Variants in TTC23 observed in about 807,000 individuals in gnomAD.
TTC23 encodes the protein tetratricopeptide repeat protein 23.
Under a neutral mutation model 55.1 loss-of-function variants are expected in TTC23, and 58 were observed. The ratio of observed to expected loss-of-function variants is 1.05; its 90% CI spans 0.85 to 1.31. TTC23 has a LOEUF of 1.31. TTC23 is among the 50% of genes most tolerant of loss of function. The probability of loss-of-function intolerance (pLI) is 0.00; values close to 1 mark genes in which losing one functional copy is unlikely to be tolerated. For missense variants in TTC23, 516 were observed against 534.4 expected, an observed-to-expected ratio of 0.97 and a Z score of 0.34; for synonymous variants, 203 against 199.9, an observed-to-expected ratio of 1.02 and a Z score of -0.13.
intron 8 of TTC23, among the ~76,000 whole-genome samples, chr15:99,211,447 G>C (rs776700794): frequency 1.3e-5 from 2 of 151,900 alleles, no homozygotes; most frequent in Non-Finnish European, 2.9e-5. Context: ...TGATTCATGA[G>C]AGCAAAGAAA....
intron 9 of TTC23, among the ~76,000 whole-genome samples, 194 bp downstream of exon 9, chr15:99,199,725 G>C (rs2076046120): frequency 6.6e-6 from 1 of 152,140 alleles, no homozygotes; most frequent in African/African-American, 2.4e-5. Flanking sequence ...ACTACTAACA[G>C]GGGACAAGTA....
chr15:99,233,919 T>G (rs559176939), intron 4 of TTC23, among the ~76,000 whole-genome samples: 1 of 152,044 alleles, frequency 6.6e-6, no homozygotes, highest in Non-Finnish European at 1.5e-5. Flanking sequence ...GCAAAACCAA[T>G]TCCTTGGAGA....
At chr15:99,166,764 G>A (rs557080383) in intron 10 of TTC23, among the ~76,000 whole-genome samples, 1 of 152,256 alleles carries the variant, frequency 6.6e-6, no homozygotes, top group East Asian at 1.9e-4. Context: ...CTAGTCACAG[G>A]GGGATAAGGC....
intron 12 of TTC23, among the ~76,000 whole-genome samples, chr15:99,147,062 A>G (rs558363094): frequency 8.1e-5 from 12 of 148,114 alleles, no homozygotes; most frequent in East Asian, 6.0e-4. Context: ...TTACAGGCAC[A>G]CGCCACCACA....
intron 12 of TTC23, among the ~76,000 whole-genome samples, chr15:99,152,423 C>G (rs1015522378): frequency 6.6e-6 from 1 of 152,196 alleles, no homozygotes. Context: ...GTGCCCCAGG[C>G]TGGAGTGCAG....
intron 7 of TTC23, 52 bp from the exon 8 acceptor site, chr15:99,218,765 G>A (rs1339040849): frequency 8.7e-6 from 14 of 1,609,274 alleles, no homozygotes; most frequent in Non-Finnish European, 1.1e-5. Flanking sequence ...TACACCCCAT[G>A]TCCTGAACTT....
chr15:99,142,273 C>G (rs1401964830), intron 12 of TTC23, among the ~76,000 whole-genome samples: 1 of 152,164 alleles, frequency 6.6e-6, no homozygotes, highest in Admixed American at 6.5e-5. Flanking sequence ...GGCCACAGAG[C>G]AAGAGAGGCA....
chr15:99,230,538 C>G (rs1441883880), intron 4 of TTC23, among the ~76,000 whole-genome samples: 3 of 151,980 alleles, frequency 2.0e-5, no homozygotes, highest in Admixed American at 1.3e-4. Flanking sequence ...ATGAAGAAAA[C>G]TATACCAAAT....
chr15:99,192,084 G>A (rs568817321), intron 9 of TTC23, among the ~76,000 whole-genome samples: 1 of 152,174 alleles, frequency 6.6e-6, no homozygotes, highest in Admixed American at 6.5e-5. Flanking sequence ...GGTATCTGGT[G>A]GAAGAAATTT....
intron 5 of TTC23, among the ~76,000 whole-genome samples, chr15:99,224,744 T>C (rs1002357954): frequency 6.6e-6 from 1 of 152,358 alleles, no homozygotes; most frequent in Non-Finnish European, 1.5e-5. Context: ...GCGCAGCACA[T>C]GTGAGCAGAA....
intron 5 of TTC23, among the ~76,000 whole-genome samples, chr15:99,226,303 G>A: frequency 6.7e-6 from 1 of 150,072 alleles, no homozygotes. Context: ...CCATGTAAGG[G>A]AATAGCTTTA....
At chr15:99,238,035 G>A (rs1450891326) in intron 3 of TTC23, among the ~76,000 whole-genome samples, 2 of 152,040 alleles carry the variant, frequency 1.3e-5, no homozygotes, top group African/African-American at 4.8e-5. Context: ...GCACGATCTC[G>A]GCTCACTGCA....
chr15:99,209,145 C>T (rs1042082555), intron 8 of TTC23, among the ~76,000 whole-genome samples: 1 of 152,162 alleles, frequency 6.6e-6, no homozygotes, highest in African/African-American at 2.4e-5. Flanking sequence ...TTTCAGATCT[C>T]ATAGGGATGG....
At chr15:99,218,841 G>C in intron 7 of TTC23, 57 bp downstream of exon 7, 1 of 1,596,618 alleles carries the variant, frequency 6.3e-7, no homozygotes, top group Non-Finnish European at 8.5e-7. Flanking sequence ...TTTACTTGGC[G>C]TGTAAGTGTT....
At chr15:99,187,462 A>AAAAAAAAAAAAAG (rs1230105824) in intron 9 of TTC23, among the ~76,000 whole-genome samples, 2 of 132,544 alleles carry the variant, frequency 1.5e-5, no homozygotes, top group Non-Finnish European at 3.3e-5. Flanking sequence ...CAAAAAAAAA[A>AAAAAAAAAAAAAG]AAAAAACAAA....
In TTC23 at chr15:99,218,853, C is replaced by G. The variant is rs369938828; in HGVS notation, c.455+45G>C. 6 of 1,600,682 alleles carry G rather than the reference C, an allele frequency of 3.7e-6. No individual in the cohort carries two copies. The Admixed American group carries it at 5.1e-5, about 14-fold the overall frequency. Reference sequence around the variant, plus strand: ...CTTTTTACTTGGCGTGTAAGTGTTACGTGAATAGTATTTCTATTTGTAAAA... The same window carrying G: ...CTTTTTACTTGGCGTGTAAGTGTTAGGTGAATAGTATTTCTATTTGTAAAA... On this transcript the variant is annotated intron_variant, in intron 7 of 13. Coordinates refer to ENST00000394132, the MANE Select transcript of TTC23 (RefSeq NM_001288615.3).
Position 99,187,452 on chromosome 15 carries a change from C to CAAAAAAAAAAAAAAAAAAAA in TTC23, c.760-12298_760-12297insTTTTTTTTTTTTTTTTTTTT, listed in dbSNP as rs66568931. Among the ~76,000 whole-genome samples the CAAAAAAAAAAAAAAAAAAAA allele has an allele frequency of 2.5e-3, 111 of 44,434 alleles. 3 individuals are homozygous for CAAAAAAAAAAAAAAAAAAAA. Among genetic ancestry groups the CAAAAAAAAAAAAAAAAAAAA allele is most frequent in the Admixed American group, 3.5e-3 (12 of 3,454 alleles). 29.2% of individuals were successfully genotyped at this position (44,434 alleles called of 152,430 possible). Reference sequence around the variant, plus strand: ...GGAGATGTGATGCCAAAAGCACAAGCAAAAAAAAAAAAAAAACAAAACAAA... The same window carrying CAAAAAAAAAAAAAAAAAAAA: ...GGAGATGTGATGCCAAAAGCACAAGCAAAAAAAAAAAAAAAAAAAAAAAAAAAAAAAAAAAACAAAACAAA... On this transcript the variant is annotated intron_variant, in intron 9 of 13. Coordinates refer to ENST00000394132, the MANE Select transcript of TTC23 (RefSeq NM_001288615.3).
intron 8 of TTC23, among the ~76,000 whole-genome samples, chr15:99,213,842 G>C (rs1351352737): frequency 6.6e-6 from 1 of 152,170 alleles, no homozygotes; most frequent in African/African-American, 2.4e-5. Flanking sequence ...AAATAATGTA[G>C]CTTTGAATAT....
chr15:99,162,528 T>G (rs1426524115), intron 10 of TTC23, among the ~76,000 whole-genome samples: 2 of 152,106 alleles, frequency 1.3e-5, no homozygotes, highest in Non-Finnish European at 2.9e-5. Context: ...GTAAGCATAT[T>G]AGAAAAAAGG....
Sources: gnomAD v4.1 joint callset for allele counts (sites outside exome capture counted in the v4.1 genomes callset) on GRCh38, gnomAD v4.1.1 for gene constraint, MANE v1.5 for transcripts, NCBI Gene and HGNC (gene_info 2026-07-23, HGNC 2026-07-21) for gene names.